The following PARD3B variants were observed in gnomAD, a reference collection of about 807,000 sequenced individuals.
PARD3B encodes the protein par-3 family cell polarity regulator beta, also known as partitioning defective 3 homolog B.
PARD3B carries 103 observed loss-of-function variants against 130.2 expected under a neutral mutation model. The observed-to-expected ratio is 0.79, with a 90% confidence interval of 0.67 to 0.93. PARD3B has a LOEUF of 0.93. Among genes scored for constraint, PARD3B ranks in the 40% least tolerant of loss-of-function variants. PARD3B has a pLI of 0.00. For synonymous variants in PARD3B, 583 were observed against 553.2 expected, an observed-to-expected ratio of 1.05 and a Z score of -0.76; for missense variants, 1,609 against 1,499.2, an observed-to-expected ratio of 1.07 and a Z score of -1.21.
chr2:205,077,941 A>G (rs1192059781), intron 4 of PARD3B, among the ~76,000 whole-genome samples: 1 of 152,210 alleles, frequency 6.6e-6, no homozygotes. Flanking sequence ...ACACATAATC[A>G]TTTCAATGTC....
chr2:205,383,144 ATCTAAACTATG>A (rs2045542688), intron 18 of PARD3B, among the ~76,000 whole-genome samples: 1 of 151,280 alleles, frequency 6.6e-6, no homozygotes, highest in East Asian at 1.9e-4. Context: ...AGATAGATCG[ATCTAAACTATG>A]TCTACACATA....
rs113081306 is a variant in PARD3B, at chr2:205,316,900, A to T, written c.2630+15199A>T. On this transcript the variant is annotated intron_variant, in intron 18 of 22. Transcript: ENST00000406610. Reference sequence around the variant, plus strand: ...GTGATAAATATGAAACTAATCTTTTATTTTTTTCTAACATCGTCTTTTATT... The same window carrying T: ...GTGATAAATATGAAACTAATCTTTTTTTTTTTTCTAACATCGTCTTTTATT... Among the ~76,000 whole-genome samples, 1,211 of 152,246 alleles carry T rather than the reference A, an allele frequency of 8.0e-3. 13 individuals carry two copies. Among genetic ancestry groups the T allele is most frequent in the African/African-American group, 0.013 (551 of 41,550 alleles).
chr2:205,018,438 A>G (rs1055797445), intron 3 of PARD3B, among the ~76,000 whole-genome samples: 6 of 152,134 alleles, frequency 3.9e-5, no homozygotes, highest in African/African-American at 1.4e-4. Context: ...CTATGACTAT[A>G]GCAACCCTTC....
chr2:205,297,536 C>G (rs2041839865), intron 16 of PARD3B, among the ~76,000 whole-genome samples: 1 of 152,096 alleles, frequency 6.6e-6, no homozygotes, highest in Non-Finnish European at 1.5e-5. Flanking sequence ...AGCAGGTAAC[C>G]TTGACCTTCT....
intron 2 of PARD3B, among the ~76,000 whole-genome samples, chr2:204,719,886 C>T (rs2038915228): frequency 6.6e-6 from 1 of 152,116 alleles, no homozygotes; most frequent in African/African-American, 2.4e-5. Context: ...TATTTAAATA[C>T]TATTCTATAG....
Position 204,664,938 on chromosome 2 carries a change from T to C in PARD3B, c.121-21243T>C, listed in dbSNP as rs2035960211. Among the ~76,000 whole-genome samples the C allele has an allele frequency of 6.6e-6, 1 of 152,154 alleles. No individual in the cohort carries two copies. The highest frequency in any genetic ancestry group is 1.5e-5 in the Non-Finnish European group (1 of 68,038). The stretch of plus-strand genomic sequence containing the variant: ...AAAAGCCTAGCATTTAATAGGAACT[T>C]TGGCATATGTAAATATTTTCTAGGT... On this transcript the variant is annotated intron_variant, in intron 1 of 22. Coordinates refer to ENST00000406610, the MANE Select transcript of PARD3B (RefSeq NM_001302769.2). The surrounding 1 kb of genome is among the most constrained non-coding windows in gnomAD (Gnocchi z 5.2).
intron 2 of PARD3B, among the ~76,000 whole-genome samples, chr2:204,939,146 CT>C (rs1211526485): frequency 1.3e-5 from 2 of 151,906 alleles, no homozygotes. Flanking sequence ...ATTTCTTACT[CT>C]TTTCTTCAAG....
chr2:204,950,017 A>G (rs538697080), intron 2 of PARD3B, among the ~76,000 whole-genome samples: 2 of 152,312 alleles, frequency 1.3e-5, no homozygotes, highest in Non-Finnish European at 2.9e-5. Flanking sequence ...GATAGTGATG[A>G]TTACAATAAT....
chr2:205,615,276 G>C (rs549438833), intron 22 of PARD3B, among the ~76,000 whole-genome samples, 180 bp from the exon 23 acceptor site: 1 of 152,228 alleles, frequency 6.6e-6, no homozygotes, highest in South Asian at 2.1e-4. Flanking sequence ...CAACAGGAAG[G>C]AGAGAAGGGA....
chr2:205,247,965 G>C (rs1232846214), intron 16 of PARD3B, among the ~76,000 whole-genome samples: 1 of 152,040 alleles, frequency 6.6e-6, no homozygotes. Context: ...ATCTCTCTCT[G>C]TCACCCAGGC....
chr2:205,175,996 A>G (rs572001265), intron 12 of PARD3B, among the ~76,000 whole-genome samples: 5 of 152,200 alleles, frequency 3.3e-5, no homozygotes, highest in Non-Finnish European at 7.3e-5. Context: ...CACTGGTGGT[A>G]TTTCAGAGGC....
intron 18 of PARD3B, among the ~76,000 whole-genome samples, chr2:205,389,591 G>A (rs373493440): frequency 1.3e-5 from 2 of 152,106 alleles, no homozygotes; most frequent in African/African-American, 2.4e-5. Context: ...TTGAACTCCC[G>A]CCTCGGCCTC....
chr2:204,616,038 A>G (rs2034098737), intron 1 of PARD3B, among the ~76,000 whole-genome samples: 1 of 152,172 alleles, frequency 6.6e-6, no homozygotes, highest in South Asian at 2.1e-4. Flanking sequence ...GACATAGGAG[A>G]AAACCTAGAT....
chr2:204,561,705 C>T (rs530513954), intron 1 of PARD3B, among the ~76,000 whole-genome samples: 1 of 151,616 alleles, frequency 6.6e-6, no homozygotes, highest in African/African-American at 2.4e-5. Context: ...AAGTGATTCT[C>T]CTGCCTCAGC....
At chr2:205,112,491 A>G (rs1270141170) in intron 5 of PARD3B, among the ~76,000 whole-genome samples, 1 of 152,126 alleles carries the variant, frequency 6.6e-6, no homozygotes, top group Non-Finnish European at 1.5e-5. Context: ...CATTTGTAGC[A>G]GCTGTAGCTC....
Position 205,128,052 on chromosome 2 carries a change from G to T in PARD3B, c.1434+2315G>T, listed in dbSNP as rs947851708. 1.3e-5 allele frequency among the ~76,000 whole-genome samples: 2 copies of T among 152,194 alleles called. No homozygotes were observed. The highest frequency in any genetic ancestry group is 3.8e-4 in the East Asian group (2 of 5,202). ...TCATTTCTTGTCTGATATTTAGGTT[G>T]TTAGAAATAAAAACTCTCCAAAATC... On this transcript the variant is annotated intron_variant, in intron 10 of 22. Transcript: ENST00000406610. The surrounding 1 kb of genome is among the most constrained non-coding windows in gnomAD (Gnocchi z 4.5).
intron 1 of PARD3B, among the ~76,000 whole-genome samples, chr2:204,602,979 A>C (rs2033574751): frequency 6.6e-6 from 1 of 152,142 alleles, no homozygotes. Flanking sequence ...TAGAATCAGA[A>C]TAATTGAAAT....
At chr2:204,636,912 A>G (rs1041157522) in intron 1 of PARD3B, among the ~76,000 whole-genome samples, 4 of 152,132 alleles carry the variant, frequency 2.6e-5, no homozygotes, top group Admixed American at 1.3e-4. Context: ...GTATCTTCAT[A>G]TATAGACTTA....
chr2:204,882,031 T>G (rs1401511220), intron 2 of PARD3B, among the ~76,000 whole-genome samples: 1 of 152,214 alleles, frequency 6.6e-6, no homozygotes, highest in Non-Finnish European at 1.5e-5. Context: ...CACAGTCGCC[T>G]TCTTACACAT....
Sources: allele counts gnomAD v4.1 joint callset (sites outside exome capture counted in the v4.1 genomes callset), GRCh38; gene constraint gnomAD v4.1.1; non-coding constraint Gnocchi (gnomAD v3.1); transcripts MANE v1.5; gene names NCBI Gene and HGNC (gene_info 2026-07-23, HGNC 2026-07-21).